Variants in FBXW10B observed in about 807,000 individuals in gnomAD.
FBXW10B encodes F-box and WD repeat domain containing protein 10B.
the FBXW10B span, chr17:15,574,106 C>T: frequency 2.7e-6 from 2 of 737,894 alleles, no homozygotes; most frequent in Non-Finnish European, 4.9e-6. Context: ...GTTCTAGAGG[C>T]TTCTGGCACT....
the FBXW10B span, chr17:15,613,953 C>G: frequency 6.3e-7 from 1 of 1,580,750 alleles, no homozygotes; most frequent in South Asian, 1.1e-5. Flanking sequence ...GGATCGTACC[C>G]TGGCTTGGTT....
the FBXW10B span, among the ~76,000 whole-genome samples, chr17:15,584,411 T>A: frequency 1.2e-4 from 19 of 152,218 alleles, no homozygotes; most frequent in African/African-American, 3.6e-4. Flanking sequence ...GGAAAAAGGC[T>A]GAGAAGATAT....
chr17:15,599,723 A>G, the FBXW10B span, among the ~76,000 whole-genome samples: 1 of 151,940 alleles, frequency 6.6e-6, no homozygotes, highest in Non-Finnish European at 1.5e-5. Flanking sequence ...CACTTGCCCA[A>G]GGTCTCTCAA....
the FBXW10B span, chr17:15,607,673 T>C: frequency 4.3e-6 from 7 of 1,613,162 alleles, no homozygotes; most frequent in Admixed American, 3.3e-5. Flanking sequence ...AGTCCACAGG[T>C]TGTACTCATT....
At chr17:15,572,381 G>A in the FBXW10B span, 2 of 152,200 alleles carry the variant, frequency 1.3e-5, no homozygotes, top group Admixed American at 6.5e-5. Context: ...GTGAGAAAAC[G>A]ACTGTTCTTA....
the FBXW10B span, among the ~76,000 whole-genome samples, chr17:15,577,684 A>G: frequency 6.6e-6 from 1 of 152,170 alleles, no homozygotes. Flanking sequence ...TTCACGTAAG[A>G]CGATGTGAAA....
chr17:15,619,585 G>C, the FBXW10B span: 2 of 1,537,946 alleles, frequency 1.3e-6, no homozygotes, highest in East Asian at 2.3e-5. Context: ...TAGAGGAACG[G>C]GGGGAAATGA....
At chr17:15,581,037 C>G in the FBXW10B span, among the ~76,000 whole-genome samples, 3 of 152,172 alleles carry the variant, frequency 2.0e-5, no homozygotes, top group African/African-American at 4.8e-5. Context: ...TCCCTATTGT[C>G]TTTTTATTGA....
At chr17:15,592,138 C>T in the FBXW10B span, among the ~76,000 whole-genome samples, 1 of 152,132 alleles carries the variant, frequency 6.6e-6, no homozygotes, top group African/African-American at 2.4e-5. Flanking sequence ...CCTTAACCAA[C>T]AGCATAAACT....
chr17:15,588,896 G>A, the FBXW10B span: 1 of 1,614,064 alleles, frequency 6.2e-7, no homozygotes, highest in East Asian at 2.2e-5. Flanking sequence ...GCTGTTCCAG[G>A]AGTTGCCATT....
At chr17:15,612,886 G>A in the FBXW10B span, 1 of 1,574,162 alleles carries the variant, frequency 6.4e-7, no homozygotes, top group Non-Finnish European at 8.6e-7. Flanking sequence ...CTCCAACTCT[G>A]CAGGAGGAAG....
At chr17:15,565,591 T>G in the FBXW10B span, 2 of 1,614,104 alleles carry the variant, frequency 1.2e-6, no homozygotes, top group Non-Finnish European at 1.7e-6. Flanking sequence ...CTTCGTGAAA[T>G]TATCAATAGG....
the FBXW10B span, among the ~76,000 whole-genome samples, chr17:15,585,527 T>C: frequency 6.6e-6 from 1 of 152,120 alleles, no homozygotes; most frequent in Admixed American, 6.6e-5. Flanking sequence ...CTTTTTAAGA[T>C]TAGGAAACAA....
chr17:15,580,109 A>G, the FBXW10B span, among the ~76,000 whole-genome samples: 1 of 151,372 alleles, frequency 6.6e-6, no homozygotes, highest in Non-Finnish European at 1.5e-5. Flanking sequence ...GAAATAAATC[A>G]TCATTCAACC....
At chr17:15,615,659 G>T in the FBXW10B span, 2 of 1,613,854 alleles carry the variant, frequency 1.2e-6, no homozygotes, top group South Asian at 2.2e-5. Flanking sequence ...GTTAGATGCT[G>T]CCCCAAGGAA....
At chr17:15,605,443 G>C in the FBXW10B span, 4 of 1,461,756 alleles carry the variant, frequency 2.7e-6, no homozygotes, top group Non-Finnish European at 3.6e-6. Context: ...AGGGGAAAAG[G>C]ATTATCCATG....
chr17:15,601,764 G>T, the FBXW10B span, among the ~76,000 whole-genome samples: 1 of 152,172 alleles, frequency 6.6e-6, no homozygotes, highest in African/African-American at 2.4e-5. Context: ...TTTATTGAAA[G>T]TTGGTAAACT....
the FBXW10B span, among the ~76,000 whole-genome samples, chr17:15,599,509 G>A: frequency 0.17 from 22,919 of 132,592 alleles, 2,095 homozygotes; most frequent in East Asian, 0.31. Flanking sequence ...TGCTTGATCA[G>A]TGTCAGGTGG....
the FBXW10B span, chr17:15,588,648 A>G: frequency 2.4e-5 from 14 of 572,970 alleles, 1 homozygote; most frequent in South Asian, 2.8e-4. Flanking sequence ...CAAAATCAAG[A>G]AGAGCAGCCA....
Sources: gnomAD v4.1 joint callset for allele counts (sites outside exome capture counted in the v4.1 genomes callset) on GRCh38, gnomAD v4.1.1 for gene constraint, MANE v1.5 for transcripts, NCBI Gene and HGNC (gene_info 2026-07-23, HGNC 2026-07-21) for gene names.